Variants in SPHKAP observed in about 807,000 individuals in gnomAD.
The protein encoded by SPHKAP is A-kinase anchor protein SPHKAP.
A neutral mutation model predicts 137.5 loss-of-function variants in SPHKAP; 67 were observed. The ratio of observed to expected loss-of-function variants is 0.49; its 90% CI spans 0.40 to 0.60. The LOEUF (loss-of-function observed/expected upper bound fraction) is 0.60, where lower values mean the gene tolerates loss of function less well. Ranked by LOEUF, SPHKAP falls within the 20% of genes least tolerant of loss-of-function variation. The pLI, the probability that SPHKAP is intolerant of heterozygous loss-of-function variation, is 0.00. For synonymous variants in SPHKAP, 813 were observed against 785.3 expected, an observed-to-expected ratio of 1.04 and a Z score of -0.59; for missense variants, 2,097 against 2,069.3, an observed-to-expected ratio of 1.01 and a Z score of -0.26.
At chr2:228,174,765 GAATTACA>G (rs1180248154) in intron 1 of SPHKAP, among the ~76,000 whole-genome samples, 1 of 152,128 alleles carries the variant, frequency 6.6e-6, no homozygotes, top group Non-Finnish European at 1.5e-5. Flanking sequence ...ATATGGCAGG[GAATTACA>G]AATCATGATT....
chr2:228,174,560 G>A (rs935327425), intron 1 of SPHKAP, among the ~76,000 whole-genome samples: 3 of 152,094 alleles, frequency 2.0e-5, no homozygotes, highest in African/African-American at 7.2e-5. Flanking sequence ...CTCAGTCTTC[G>A]TTCCTCGTCT....
chr2:228,067,057 A>G (rs1489715160), intron 3 of SPHKAP, among the ~76,000 whole-genome samples: 1 of 152,238 alleles, frequency 6.6e-6, no homozygotes, highest in Non-Finnish European at 1.5e-5. Context: ...TGACTAAAAA[A>G]GTGCAGATCC....
At chr2:228,117,897 G>C (rs1443137839) in intron 2 of SPHKAP, among the ~76,000 whole-genome samples, 1 of 149,340 alleles carries the variant, frequency 6.7e-6, no homozygotes, top group Non-Finnish European at 1.5e-5. Flanking sequence ...TCATTGAAAA[G>C]AGGACCTGAA....
chr2:228,106,329 T>C (rs12994845), intron 3 of SPHKAP, among the ~76,000 whole-genome samples: 17,097 of 151,930 alleles, frequency 0.11, 1,185 homozygotes, highest in East Asian at 0.18. Flanking sequence ...TATGAAAACG[T>C]TGGCTACTAA....
intron 2 of SPHKAP, among the ~76,000 whole-genome samples, chr2:228,129,168 C>A (rs1699171315): frequency 6.6e-6 from 1 of 152,080 alleles, no homozygotes. Flanking sequence ...CAGATCACCA[C>A]AATAGATATA....
chr2:227,995,562 T>C lies in SPHKAP; in HGVS notation c.4581A>G (p.Glu1527=), dbSNP rs745717745. ...TGSWTQLANE[E]DNPDDTSSFL... ...AGCTACTTGTGTCATCTGGGTTGTCTTCCTCATTGGCAAGCTGGGTCCAGC... is the reference window on the plus strand; with the variant it reads ...AGCTACTTGTGTCATCTGGGTTGTCCTCCTCATTGGCAAGCTGGGTCCAGC... The change falls in exon 8 of 12, where the codon GAA becomes GAG. Residue 1527 remains glutamate (E), a synonymous_variant. Transcript: ENST00000392056. The C allele has an allele frequency of 5.6e-5, 90 of 1,614,016 alleles. No homozygotes were observed. Among genetic ancestry groups the C allele is most frequent in the Non-Finnish European group, 7.5e-5 (89 of 1,180,016 alleles).
intron 3 of SPHKAP, among the ~76,000 whole-genome samples, chr2:228,082,905 G>A (rs528275900): frequency 9.2e-5 from 14 of 152,122 alleles, no homozygotes; most frequent in Non-Finnish European, 1.9e-4. Flanking sequence ...GATTCATGAA[G>A]TCACATAAAT....
intron 1 of SPHKAP, among the ~76,000 whole-genome samples, chr2:228,167,586 G>A (rs1559211530): frequency 6.6e-6 from 1 of 151,968 alleles, no homozygotes; most frequent in African/African-American, 2.4e-5. Context: ...TTTTATTTTT[G>A]GTTTGAATTA....
At chr2:228,161,114 G>A (rs916451539) in intron 1 of SPHKAP, among the ~76,000 whole-genome samples, 1 of 152,312 alleles carries the variant, frequency 6.6e-6, no homozygotes, top group Middle Eastern at 3.4e-3. Flanking sequence ...CTGATACTTA[G>A]CAGGGATTTG....
intron 3 of SPHKAP, among the ~76,000 whole-genome samples, chr2:228,101,633 T>C (rs1336339219): frequency 6.6e-6 from 1 of 152,176 alleles, no homozygotes; most frequent in Non-Finnish European, 1.5e-5. Flanking sequence ...GTAAATACAA[T>C]TATTATCTCT....
chr2:228,110,780 CAT>C (rs1261361535), intron 2 of SPHKAP, among the ~76,000 whole-genome samples: 1 of 152,170 alleles, frequency 6.6e-6, no homozygotes, highest in African/African-American at 2.4e-5. Context: ...GATTTGCAAA[CAT>C]GTGAATTGAA....
intron 3 of SPHKAP, among the ~76,000 whole-genome samples, chr2:228,093,240 T>C (rs775385101): frequency 3.3e-5 from 5 of 152,194 alleles, no homozygotes; most frequent in East Asian, 1.9e-4. Flanking sequence ...CAGTTACATA[T>C]AGAGTTACCA....
intron 1 of SPHKAP, among the ~76,000 whole-genome samples, chr2:228,143,928 C>T (rs1699686412): frequency 6.6e-6 from 1 of 152,144 alleles, no homozygotes; most frequent in South Asian, 2.1e-4. Context: ...ACCTCTGTGA[C>T]CTTGTCTTTT....
At chr2:228,025,790 A>G (rs1173387891) in intron 4 of SPHKAP, 39 of 835,570 alleles carry the variant, frequency 4.7e-5, no homozygotes, top group Non-Finnish European at 5.3e-5. Context: ...AGTAAACATT[A>G]TGATAGTAAT....
At chr2:228,165,661 A>T (rs910646742) in intron 1 of SPHKAP, among the ~76,000 whole-genome samples, 14 of 152,212 alleles carry the variant, frequency 9.2e-5, no homozygotes, top group African/African-American at 3.4e-4. Context: ...CCCTGGAGAA[A>T]ATCTGATAAA....
intron 6 of SPHKAP, among the ~76,000 whole-genome samples, chr2:228,020,853 A>G (rs1694815525): frequency 6.6e-6 from 1 of 152,164 alleles, no homozygotes. Flanking sequence ...ACCCAACAAA[A>G]TGGCTTTCCA....
chr2:228,152,160 A>T (rs1271068794), intron 1 of SPHKAP, among the ~76,000 whole-genome samples: 1 of 152,152 alleles, frequency 6.6e-6, no homozygotes, highest in Non-Finnish European at 1.5e-5. Flanking sequence ...AATTTCTGTA[A>T]ATGTTACATA....
At chr2:228,139,141 T>A (rs1228785593) in intron 1 of SPHKAP, among the ~76,000 whole-genome samples, 3 of 152,226 alleles carry the variant, frequency 2.0e-5, no homozygotes, top group Admixed American at 6.5e-5. Context: ...TACTTAGTAT[T>A]GTTATTTCAT....
intron 3 of SPHKAP, among the ~76,000 whole-genome samples, chr2:228,066,516 T>C (rs1485008775): frequency 6.6e-6 from 1 of 152,206 alleles, no homozygotes; most frequent in African/African-American, 2.4e-5. Flanking sequence ...AATTACCCTC[T>C]GTCCCCTTTC....
Sources: gnomAD v4.1 joint callset for allele counts (sites outside exome capture counted in the v4.1 genomes callset) on GRCh38, gnomAD v4.1.1 for gene constraint, MANE v1.5 for transcripts, NCBI Gene and HGNC (gene_info 2026-07-23, HGNC 2026-07-21) for gene names.